Variants in LBH observed in about 807,000 individuals in gnomAD.
LBH encodes protein LBH.
In LBH, 7 loss-of-function variants were observed where a neutral mutation model predicts 12.5. The ratio of observed to expected loss-of-function variants is 0.56; its 90% CI spans 0.32 to 1.05. The LOEUF is 1.05. LBH is among the 50% of genes least tolerant of loss of function. The pLI is 0.04. For missense variants in LBH, 119 were observed against 138.9 expected, an observed-to-expected ratio of 0.86 and a Z score of 0.72; for synonymous variants, 51 against 50.1, an observed-to-expected ratio of 1.02 and a Z score of -0.08.
intron 1 of LBH, among the ~76,000 whole-genome samples, chr2:30,233,513 T>A (rs1338413477): frequency 6.6e-6 from 1 of 152,262 alleles, no homozygotes; most frequent in Non-Finnish European, 1.5e-5. Flanking sequence ...ACAGGCACGA[T>A]GGTGGAAAGC....
chr2:30,253,504 CAAAA>C (rs1678024349), intron 2 of LBH, among the ~76,000 whole-genome samples: 1 of 152,042 alleles, frequency 6.6e-6, no homozygotes, highest in African/African-American at 2.4e-5. Flanking sequence ...AACAAACAAA[CAAAA>C]AAATTTAAAC....
Position 30,257,860 on chromosome 2 carries a change from A to G in LBH, c.*239A>G. The G allele has an allele frequency of 2.7e-6, 1 of 367,074 alleles. No homozygotes were observed. Among genetic ancestry groups the G allele is most frequent in the Non-Finnish European group, 4.9e-6 (1 of 203,200 alleles). The allele number at this position is 367,074 out of a possible 1,614,324, so 22.7% of individuals were successfully genotyped here. A position where few individuals can be genotyped will look rare whatever the true frequency, so the allele number is the denominator to read the frequency against. On this transcript the variant is annotated 3_prime_UTR_variant, in exon 3 of 3. Transcript: ENST00000395323. ...ATTTGCAAGGCCCTCTGAGAAAGGA[A>G]GCTGCTTAGAGCCAGGGGGTTAGTG...
chr2:30,235,243 T>C (rs1460511541), intron 2 of LBH, among the ~76,000 whole-genome samples: 2 of 152,132 alleles, frequency 1.3e-5, no homozygotes, highest in Non-Finnish European at 2.9e-5. Context: ...ATGGAGCACC[T>C]GCAGTTCCCT....
In LBH at chr2:30,231,543, T is replaced by G; in HGVS notation, c.-196T>G. 2 of 604,602 alleles carry G rather than the reference T, an allele frequency of 3.3e-6. No homozygotes were observed. Among genetic ancestry groups the G allele is most frequent in the South Asian group, 1.9e-5 (1 of 52,830 alleles). The allele number at this position is 604,602 out of a possible 1,614,324, so 37.5% of individuals were successfully genotyped here. A position where few individuals can be genotyped will look rare whatever the true frequency, so the allele number is the denominator to read the frequency against. ...CCGGGCTCTTTGTGGGGCTGAGTGCTCAGTGGAGAGCGGGGAGTTGTGTCC... is the reference window on the plus strand; with the variant it reads ...CCGGGCTCTTTGTGGGGCTGAGTGCGCAGTGGAGAGCGGGGAGTTGTGTCC... On this transcript the variant is annotated 5_prime_UTR_variant, in exon 1 of 3. Transcript: ENST00000395323.
intron 2 of LBH, among the ~76,000 whole-genome samples, chr2:30,238,880 CCACT>C (rs1373912464): frequency 8.2e-5 from 12 of 146,172 alleles, no homozygotes; most frequent in African/African-American, 3.0e-4. Context: ...TCACTCCTCC[CCACT>C]CTTTTTTTTT....
At chr2:30,254,662 G>C (rs546478559) in intron 2 of LBH, among the ~76,000 whole-genome samples, 1 of 144,814 alleles carries the variant, frequency 6.9e-6, no homozygotes, top group South Asian at 2.2e-4. Context: ...TGCTTGTCAT[G>C]CCTTTTGCTT....
At chr2:30,250,063 G>T (rs763490232) in intron 2 of LBH, among the ~76,000 whole-genome samples, 5 of 152,170 alleles carry the variant, frequency 3.3e-5, no homozygotes, top group Non-Finnish European at 7.4e-5. Flanking sequence ...CGTGACCAGG[G>T]TCATAGCGAT....
chr2:30,231,839 G>GCTGC, intron 1 of LBH, 75 bp downstream of exon 1: 3 of 1,377,216 alleles, frequency 2.2e-6, no homozygotes, highest in Non-Finnish European at 2.9e-6. Context: ...CTTCGTGCCG[G>GCTGC]CTCCGGGTGC....
At chr2:30,251,609 G>C (rs1035378395) in intron 2 of LBH, among the ~76,000 whole-genome samples, 1 of 147,156 alleles carries the variant, frequency 6.8e-6, no homozygotes, top group East Asian at 2.0e-4. Context: ...TGAGGCTACA[G>C]TGAGCTGAGA....
intron 2 of LBH, among the ~76,000 whole-genome samples, chr2:30,246,294 A>G (rs1165517336): frequency 6.6e-6 from 1 of 152,144 alleles, no homozygotes; most frequent in East Asian, 1.9e-4. Context: ...CTCCAGGCCA[A>G]CTATTCTCAA....
chr2:30,252,103 G>A (rs1446241420), intron 2 of LBH, among the ~76,000 whole-genome samples: 2 of 152,170 alleles, frequency 1.3e-5, no homozygotes, highest in Non-Finnish European at 2.9e-5. Context: ...ATCTTGAATT[G>A]TAGTTCCCAT....
At chr2:30,248,234 GGAA>G (rs1236438903) in intron 2 of LBH, among the ~76,000 whole-genome samples, 1 of 152,224 alleles carries the variant, frequency 6.6e-6, no homozygotes, top group African/African-American at 2.4e-5. Context: ...CTACTATCAA[GGAA>G]GACGTCTTGC....
At chr2:30,232,300 A>G (rs1677604170) in intron 1 of LBH, 1 of 1,442,712 alleles carries the variant, frequency 6.9e-7, no homozygotes, top group East Asian at 2.7e-5. Context: ...GCAGCAGGGC[A>G]CGCGCTGCAG....
At chr2:30,234,621 G>C in intron 2 of LBH, 114 bp downstream of exon 2, 2 of 689,338 alleles carry the variant, frequency 2.9e-6, no homozygotes, top group Non-Finnish European at 5.1e-6. Context: ...TGGGACTGTG[G>C]CAGAGTCCCC....
intron 2 of LBH, among the ~76,000 whole-genome samples, chr2:30,242,388 C>T (rs189788368): frequency 6.6e-6 from 1 of 152,144 alleles, no homozygotes; most frequent in Admixed American, 6.5e-5. Flanking sequence ...AGATTACAGG[C>T]GAGTGCCACC....
intron 2 of LBH, among the ~76,000 whole-genome samples, chr2:30,255,869 C>G (rs1046642140): frequency 6.6e-6 from 1 of 152,224 alleles, no homozygotes; most frequent in Admixed American, 6.5e-5. Context: ...TCAAATGTGT[C>G]TCCACCCACT....
intron 1 of LBH, chr2:30,232,258 T>C: frequency 1.4e-6 from 2 of 1,478,250 alleles, no homozygotes; most frequent in Non-Finnish European, 1.8e-6. Context: ...CGGGAAACGC[T>C]CTCCCCACAC....
At chr2:30,243,695 A>C (rs748769174) in intron 2 of LBH, among the ~76,000 whole-genome samples, 9 of 151,804 alleles carry the variant, frequency 5.9e-5, no homozygotes, top group African/African-American at 9.7e-5. Context: ...ATGCCCAGCT[A>C]GTTTTTGCAT....
At chr2:30,251,937 G>T (rs1175100215) in intron 2 of LBH, among the ~76,000 whole-genome samples, 1 of 152,128 alleles carries the variant, frequency 6.6e-6, no homozygotes, top group African/African-American at 2.4e-5. Context: ...GGGCCTGAGG[G>T]TGAGCTTCTG....
Sources: gnomAD v4.1 joint callset for allele counts (sites outside exome capture counted in the v4.1 genomes callset) on GRCh38, gnomAD v4.1.1 for gene constraint, MANE v1.5 for transcripts, NCBI Gene and HGNC (gene_info 2026-07-23, HGNC 2026-07-21) for gene names.